Variants in WDR11 observed in about 807,000 individuals in gnomAD.
The protein encoded by WDR11 is WD repeat-containing protein 11.
Under a neutral mutation model 151.2 loss-of-function variants are expected in WDR11, and 83 were observed. That is an observed-to-expected ratio of 0.55 (90% CI 0.46 to 0.66). The LOEUF (loss-of-function observed/expected upper bound fraction) is 0.66, where lower values mean the gene tolerates loss of function less well. Ranked by LOEUF, WDR11 falls within the 30% of genes least tolerant of loss-of-function variation. WDR11 has a pLI of 0.00. For missense variants in WDR11, 1,301 were observed against 1,480.9 expected, an observed-to-expected ratio of 0.88 and a Z score of 1.99; for synonymous variants, 484 against 533.1, an observed-to-expected ratio of 0.91 and a Z score of 1.27.
chr10:120,851,393 G>A lies in WDR11; in HGVS notation c.-28G>A, dbSNP rs1379172994. On this transcript the variant is annotated 5_prime_UTR_variant, in exon 1 of 29. Transcript: ENST00000263461. ...TCCGCCGCTTCCTGGTTGCGGGTCA[G>A]CGCCCAGGTCCTGGGCTGGCCGCCG... 1.3e-6 allele frequency: 2 copies of A among 1,595,046 alleles called. No individual in the cohort carries two copies. Among genetic ancestry groups the A allele is most frequent in the Middle Eastern group, 1.7e-4 (1 of 5,998 alleles).
chr10:120,907,688 C>T (rs1848112939), intron 28 of WDR11: 2 of 151,154 alleles, frequency 1.3e-5, no homozygotes, highest in Non-Finnish European at 2.9e-5. Flanking sequence ...CTCTTCTGCC[C>T]AGACTGGAGT....
chr10:120,898,262 C>T (rs1344024881), intron 19 of WDR11, among the ~76,000 whole-genome samples: 1 of 152,062 alleles, frequency 6.6e-6, no homozygotes, highest in Admixed American at 6.5e-5. Flanking sequence ...ATGAATTGCC[C>T]TCAAAATTTA....
intron 27 of WDR11, chr10:120,906,229 T>C: frequency 3.5e-6 from 5 of 1,447,102 alleles, no homozygotes; most frequent in Non-Finnish European, 4.5e-6. Context: ...AGTTTCCTAC[T>C]AATATGCTGA....
In WDR11 at chr10:120,873,921, C is replaced by T. The variant is rs750911428; in HGVS notation, c.1554C>T (p.Val518=). ...AGTTAAGCATCCACTCATGTGAAGT[C>T]AAGTAAGTATGTCATTGTGATGATG... ...HKELSIHSCE[V]KGIEWTSLTS... is the part of the protein sequence containing the mutation. Residue 518 remains valine, a splice_region_variant and synonymous_variant, in exon 11 of 29, where the codon GTC becomes GTT. Transcript: ENST00000263461. The T allele has an allele frequency of 2.5e-6, 4 of 1,604,852 alleles. No homozygotes were observed. In the South Asian group the frequency reaches 4.4e-5, roughly 18 times the overall value.
chr10:120,852,643 A>C lies in WDR11; in HGVS notation c.198+8A>C. The C allele has an allele frequency of 6.2e-7, 1 of 1,610,248 alleles. No individual in the cohort carries two copies. Among genetic ancestry groups the C allele is most frequent in the Admixed American group, 1.7e-5 (1 of 60,014 alleles). On this transcript the variant is annotated splice_region_variant and intron_variant, in intron 2 of 28. Transcript: ENST00000263461. ...AAAGCTGATGTTGTAAAGGTAAGTA[A>C]AATCCCACTTTGACGCTAACATGTT...
Position 120,855,936 on chromosome 10 carries a change from A to G in WDR11, c.199-2707A>G, listed in dbSNP as rs1197685412. On this transcript the variant is annotated intron_variant, in intron 2 of 28. Coordinates refer to ENST00000263461, the MANE Select transcript of WDR11 (RefSeq NM_018117.12). ...ATACTCTTGTCCTGTTCCTGAGCTT[A>G]GGGGGAAAGTATTCAGTCTTTCATC... The G allele has an allele frequency of 2.0e-5, 3 of 152,324 alleles. No individual in the cohort carries two copies. The East Asian group carries it at 5.8e-4, about 29-fold the overall frequency. 9.4% of individuals were successfully genotyped at this position (152,324 alleles called of 1,614,324 possible). A position where few individuals can be genotyped will look rare whatever the true frequency, so the allele number is the denominator to read the frequency against.
chr10:120,865,270 A>C, intron 6 of WDR11, 58 bp downstream of exon 6: 1 of 1,548,916 alleles, frequency 6.5e-7, no homozygotes, highest in South Asian at 1.1e-5. Context: ...ATATTAAAAG[A>C]AGGCCATAAT....
chr10:120,851,823 T>G (rs1212051312), intron 1 of WDR11: 4 of 479,638 alleles, frequency 8.3e-6, no homozygotes, highest in African/African-American at 5.9e-5. Flanking sequence ...CTTCTCTCTC[T>G]CCACCATTAA....
chr10:120,908,521 C>G lies in WDR11; in HGVS notation c.3518-35C>G, dbSNP rs200514192. On this transcript the variant is annotated intron_variant, in intron 28 of 28. Transcript: ENST00000263461. The stretch of plus-strand genomic sequence containing the variant: ...AGCCTGTGAAGAGTCTCATCACAGC[C>G]CTTTTTACTCTTCTTTTCCTTAACT... 1.7e-4 allele frequency: 274 copies of G among 1,611,872 alleles called. 2 individuals carry two copies. Among genetic ancestry groups the G allele is most frequent in the Middle Eastern group, 1.2e-3 (7 of 6,054 alleles).
chr10:120,907,568 T>G (rs1400403697), intron 28 of WDR11: 1 of 147,794 alleles, frequency 6.8e-6, no homozygotes, highest in East Asian at 1.9e-4. Flanking sequence ...TGGTTCTCTC[T>G]CTCTTTCTCC....
At chr10:120,886,656 A>AT in intron 15 of WDR11, 33 bp from the exon 16 acceptor site, 1 of 1,610,150 alleles carries the variant, frequency 6.2e-7, no homozygotes, top group Non-Finnish European at 8.5e-7. Flanking sequence ...GGGAAAAAAA[A>AT]ACATCTTTAT....
intron 17 of WDR11, 61 bp from the exon 18 acceptor site, chr10:120,889,834 A>T (rs1464622727): frequency 8.8e-7 from 1 of 1,135,690 alleles, no homozygotes; most frequent in Non-Finnish European, 1.3e-6. Context: ...TGTTAGACAT[A>T]GCTTCTGGTG....
intron 19 of WDR11, chr10:120,899,825 A>G (rs2133807652): frequency 1.7e-6 from 1 of 592,134 alleles, no homozygotes. Flanking sequence ...GGGAAAAGAA[A>G]AATATGTTAA....
chr10:120,867,118 G>T lies in WDR11; in HGVS notation c.1243G>T (p.Val415Leu). 2.5e-6 allele frequency: 4 copies of T among 1,613,864 alleles called. No homozygotes were observed. The highest frequency in any genetic ancestry group is 3.4e-6 in the Non-Finnish European group (4 of 1,179,936). ...YSPVSFCGIP[V>L]GVLQNKLPDL... Reference sequence around the variant, plus strand: ...ACCAGTGTCTTTCTGTGGAATTCCTGTAGGAGTGCTACAGAATAAACTCCC... The same window carrying T: ...ACCAGTGTCTTTCTGTGGAATTCCTTTAGGAGTGCTACAGAATAAACTCCC... Residue 415 changes from valine (V) to leucine (L), a missense_variant, in exon 9 of 29, where the codon GTA becomes TTA. This residue lies in a region of WDR11 where 692 missense variants were observed against 762.5 expected (regional missense o/e 0.91). Transcript: ENST00000263461.
At chr10:120,889,625 C>T (rs1181653038) in intron 17 of WDR11, 7 of 488,212 alleles carry the variant, frequency 1.4e-5, no homozygotes, top group Admixed American at 3.3e-5. Flanking sequence ...TAGCTTGGAC[C>T]CTTGGGTCCC....
At chr10:120,857,079 C>CATAT (rs138746996) in intron 2 of WDR11, among the ~76,000 whole-genome samples, 7,983 of 151,250 alleles carry the variant, frequency 0.053, 683 homozygotes, top group African/African-American at 0.18. Flanking sequence ...AAGATTATCA[C>CATAT]ATATATATAT....
intron 14 of WDR11, 28 bp downstream of exon 14, chr10:120,883,916 C>T (rs1256273572): frequency 1.3e-6 from 2 of 1,551,164 alleles, no homozygotes; most frequent in Non-Finnish European, 1.8e-6. Flanking sequence ...AATTTAATAG[C>T]TTATTTAGGT....
chr10:120,903,194 A>G lies in WDR11; in HGVS notation c.2893A>G (p.Ile965Val). Reference protein sequence around the residue: ...PRDKLSNPLDICYDVLCENAY... With the variant: ...PRDKLSNPLDVCYDVLCENAY... Reference sequence around the variant, plus strand: ...AGACAAACTGAGCAACCCACTGGATATATGCTATGACGTGCTCTGTGAAAA... The same window carrying G: ...AGACAAACTGAGCAACCCACTGGATGTATGCTATGACGTGCTCTGTGAAAA... The change falls in exon 23 of 29, where the codon ATA (isoleucine) becomes GTA (valine). Residue 965 changes from isoleucine to valine, a missense_variant. By Grantham distance (29) the Ile-to-Val change is conservative. Coordinates refer to ENST00000263461, the MANE Select transcript of WDR11 (RefSeq NM_018117.12). 1 of 1,614,222 alleles carries G rather than the reference A, an allele frequency of 6.2e-7. No individual in the cohort carries two copies. Among genetic ancestry groups the G allele is most frequent in the Non-Finnish European group, 8.5e-7 (1 of 1,180,034 alleles).
rs1003567545 is a variant in WDR11, at chr10:120,865,062, T to C, written c.729T>C (p.Thr243=). 5 of 1,613,814 alleles carry C rather than the reference T, an allele frequency of 3.1e-6. No homozygotes were observed. ...CTTTTTTCAGTGCTGAATTCATAAC[T>C]CTCAATGATTGCCTTCAGTTGGCAT... ...TQEKPSAEFI[T]LNDCLQLAYL... is the part of the protein sequence containing the mutation. The change falls in exon 6 of 29, where the codon ACT becomes ACC. Residue 243 remains threonine (T), a synonymous_variant. Transcript: ENST00000263461.
Sources: gnomAD v4.1 joint callset for allele counts (sites outside exome capture counted in the v4.1 genomes callset) on GRCh38, gnomAD v4.1.1 for gene constraint, gnomAD v4.1.1 regional missense constraint, MANE v1.5 for transcripts, NCBI Gene and HGNC (gene_info 2026-07-23, HGNC 2026-07-21) for gene names.